The following MCC variants were observed in gnomAD, a reference collection of about 807,000 sequenced individuals.
The protein encoded by MCC is colorectal mutant cancer protein.
A neutral mutation model predicts 116.2 loss-of-function variants in MCC; 90 were observed. That is an observed-to-expected ratio of 0.77 (90% CI 0.65 to 0.92). The LOEUF (loss-of-function observed/expected upper bound fraction) is 0.92. Ranked by LOEUF, MCC falls within the 40% of genes least tolerant of loss-of-function variation. The pLI, the probability that MCC is intolerant of heterozygous loss-of-function variation, is 0.00. For synonymous variants in MCC, 578 were observed against 510.5 expected, an observed-to-expected ratio of 1.13 and a Z score of -1.78; for missense variants, 1,516 against 1,312.2, an observed-to-expected ratio of 1.16 and a Z score of -2.40.
At chr5:113,241,740 G>T (rs909334187) in intron 3 of MCC, among the ~76,000 whole-genome samples, 3 of 152,148 alleles carry the variant, frequency 2.0e-5, no homozygotes, top group East Asian at 3.8e-4. Flanking sequence ...TGAGCCAGGG[G>T]TCTCCACTGT....
In MCC at chr5:113,488,252, T is replaced by C; in HGVS notation, c.163A>G (p.Ile55Val). The C allele has an allele frequency of 6.3e-7, 1 of 1,594,346 alleles. No individual in the cohort carries two copies. Among genetic ancestry groups the C allele is most frequent in the East Asian group, 2.5e-5 (1 of 40,728 alleles). Residue 55 changes from isoleucine to valine, a missense_variant, in exon 1 of 19, where the codon ATC (isoleucine) becomes GTC (valine). By Grantham distance (29) the Ile-to-Val change is conservative (BLOSUM62 3). Transcript: ENST00000408903. ...QTCDGDGDGY[I>V]SRNDLLMVCR... ...TCGTACCTCCCCGCGTACCTGCTGA[T>C]GTATCCGTCCCCGTCGCCGTCGCAC...
At chr5:113,046,685 C>CAAAAAAATAAAAAAAA (rs1752097924) in intron 16 of MCC, among the ~76,000 whole-genome samples, 1 of 58,396 alleles carries the variant, frequency 1.7e-5, no homozygotes, top group Non-Finnish European at 3.1e-5. Context: ...ACTCAAAAGG[C>CAAAAAAATAAAAAAAA]AAAAAAAAAA....
rs1025761047 is a variant in MCC at position 113,258,251 on chromosome 5, T to C, written c.627+82268A>G. ...TTAATATAACATGTGCTTATGTGTA[T>C]ACTGAATTGTGATGTAAAAATGTTC... On this transcript the variant is annotated intron_variant, in intron 3 of 18. Coordinates refer to ENST00000408903, the MANE Select transcript of MCC (RefSeq NM_001085377.2). Among the ~76,000 whole-genome samples the C allele has an allele frequency of 9.9e-5, 15 of 152,234 alleles. 1 individual carries two copies. Among genetic ancestry groups the C allele is most frequent in the African/African-American group, 3.6e-4 (15 of 41,458 alleles).
chr5:113,173,428 T>C (rs7703089), intron 3 of MCC, among the ~76,000 whole-genome samples: 87,209 of 152,052 alleles, frequency 0.57, 27,203 homozygotes, highest in Admixed American at 0.73. Flanking sequence ...ATGTTTAATG[T>C]TGCATAGTGT....
At chr5:113,394,421 T>G (rs1466987140) in intron 1 of MCC, among the ~76,000 whole-genome samples, 1 of 152,200 alleles carries the variant, frequency 6.6e-6, no homozygotes, top group South Asian at 2.1e-4. Flanking sequence ...CACAAGACTT[T>G]TAGCTTCATA....
intron 3 of MCC, among the ~76,000 whole-genome samples, chr5:113,303,865 G>T (rs754435901): frequency 5.3e-5 from 8 of 152,096 alleles, no homozygotes; most frequent in Non-Finnish European, 7.4e-5. Flanking sequence ...ATGTTGGCCA[G>T]GCTGGTCTCG....
intron 3 of MCC, among the ~76,000 whole-genome samples, chr5:113,250,130 G>A (rs1316484912): frequency 6.6e-6 from 1 of 152,192 alleles, no homozygotes; most frequent in Admixed American, 6.5e-5. Flanking sequence ...GAGGTGTACT[G>A]CAAACAGCAG....
At chr5:113,056,326 A>C (rs1214269536) in intron 14 of MCC, among the ~76,000 whole-genome samples, 1 of 152,224 alleles carries the variant, frequency 6.6e-6, no homozygotes, top group Non-Finnish European at 1.5e-5. Flanking sequence ...ATCAACCTAA[A>C]TGCCCATCAG....
At chr5:113,068,600 T>A (rs952426583) in intron 12 of MCC, among the ~76,000 whole-genome samples, 15 of 152,134 alleles carry the variant, frequency 9.9e-5, no homozygotes, top group African/African-American at 3.1e-4. Context: ...AGTAGGTCAT[T>A]TCCAAAATTA....
intron 2 of MCC, among the ~76,000 whole-genome samples, chr5:113,374,722 T>C (rs547850105): frequency 6.6e-6 from 1 of 152,196 alleles, no homozygotes; most frequent in South Asian, 2.1e-4. Flanking sequence ...CTGGGCACAA[T>C]GGCTCAGCTG....
intron 12 of MCC, 115 bp from the exon 13 acceptor site, chr5:113,068,298 A>C (rs1753768247): frequency 1.4e-6 from 1 of 724,548 alleles, no homozygotes. Flanking sequence ...CACTCTCCAC[A>C]CAGGCAAGGA....
At chr5:113,477,367 G>C (rs573699384) in intron 1 of MCC, among the ~76,000 whole-genome samples, 1 of 152,184 alleles carries the variant, frequency 6.6e-6, no homozygotes, top group Non-Finnish European at 1.5e-5. Flanking sequence ...AGTACAAAGC[G>C]AAAGAAGGTC....
At chr5:113,037,294 T>A (rs1350965866) in intron 17 of MCC, among the ~76,000 whole-genome samples, 1 of 152,054 alleles carries the variant, frequency 6.6e-6, no homozygotes, top group African/African-American at 2.4e-5. Context: ...TACAGTTGGG[T>A]GGATGGTGTA....
intron 1 of MCC, among the ~76,000 whole-genome samples, chr5:113,472,231 A>G (rs1453538011): frequency 6.6e-6 from 1 of 152,160 alleles, no homozygotes; most frequent in Non-Finnish European, 1.5e-5. Flanking sequence ...GGAAATGCAG[A>G]AATCACCCGT....
At chr5:113,379,997 A>T (rs556871255) in intron 2 of MCC, among the ~76,000 whole-genome samples, 47 of 152,332 alleles carry the variant, frequency 3.1e-4, no homozygotes, top group African/African-American at 1.1e-3. Flanking sequence ...CCTTCCTCAC[A>T]TAATATTTAT....
At chr5:113,470,979 T>C (rs1383682091) in intron 1 of MCC, among the ~76,000 whole-genome samples, 1 of 152,248 alleles carries the variant, frequency 6.6e-6, no homozygotes, top group Non-Finnish European at 1.5e-5. Context: ...CATCGGCTAC[T>C]AAGGCTTCTG....
chr5:113,263,604 A>G (rs575813350), intron 3 of MCC, among the ~76,000 whole-genome samples: 1 of 152,360 alleles, frequency 6.6e-6, no homozygotes, highest in Admixed American at 6.5e-5. Context: ...TTCAAGGACA[A>G]GGCAAAAAGA....
At chr5:113,056,404 T>A (rs1234068455) in intron 14 of MCC, among the ~76,000 whole-genome samples, 2 of 152,172 alleles carry the variant, frequency 1.3e-5, no homozygotes, top group African/African-American at 2.4e-5. Flanking sequence ...AAAAAAAGAA[T>A]GAGGTCATGT....
At chr5:113,169,636 C>T (rs997337714) in intron 3 of MCC, among the ~76,000 whole-genome samples, 1 of 151,714 alleles carries the variant, frequency 6.6e-6, no homozygotes, top group Non-Finnish European at 1.5e-5. Context: ...TATATGGGGT[C>T]ACATTCTGGC....
Sources: gnomAD v4.1 joint callset for allele counts (sites outside exome capture counted in the v4.1 genomes callset) on GRCh38, gnomAD v4.1.1 for gene constraint, MANE v1.5 for transcripts, NCBI Gene and HGNC (gene_info 2026-07-23, HGNC 2026-07-21) for gene names.